ADAMTSL3: variants seen among roughly 807,000 people sequenced by gnomAD.
ADAMTSL3 encodes the protein ADAMTS like 3.
A neutral mutation model predicts 201.7 loss-of-function variants in ADAMTSL3; 128 were observed. The observed-to-expected ratio is 0.63, with a 90% CI of 0.55 to 0.73. The LOEUF (loss-of-function observed/expected upper bound fraction) is 0.73, where lower values mean the gene tolerates loss of function less well. ADAMTSL3 is among the 30% of genes least tolerant of loss of function. ADAMTSL3 has a pLI of 0.00. For missense variants in ADAMTSL3, 1,990 were observed against 2,119.6 expected (o/e 0.94, Z 1.20); for synonymous variants, 738 against 748.4 (o/e 0.99, Z 0.23).
intron 2 of ADAMTSL3, among the ~76,000 whole-genome samples, chr15:83,658,745 T>C (rs531406526): frequency 6.6e-6 from 1 of 152,266 alleles, no homozygotes; most frequent in South Asian, 2.1e-4. Context: ...CAGCCTGGAG[T>C]ATTTGAGAGC....
chr15:84,002,936 C>CTTTTTTTTTTTTTTTTTTTTGTTTTTT (rs368176543), intron 23 of ADAMTSL3, among the ~76,000 whole-genome samples: 1 of 99,986 alleles, frequency 1.0e-5, no homozygotes, highest in Non-Finnish European at 1.9e-5. Context: ...CTTTTCTTTT[C>CTTTTTTTTTTTTTTTTTTTTGTTTTTT]TTTTTTTTTT....
At chr15:83,693,924 C>T (rs2061646176) in intron 2 of ADAMTSL3, among the ~76,000 whole-genome samples, 1 of 152,150 alleles carries the variant, frequency 6.6e-6, no homozygotes, top group South Asian at 2.1e-4. Context: ...TTGAGATTCT[C>T]CCCCCGCAAC....
intron 2 of ADAMTSL3, among the ~76,000 whole-genome samples, chr15:83,666,559 C>A (rs923993280): frequency 2.0e-5 from 3 of 152,102 alleles, no homozygotes; most frequent in Non-Finnish European, 4.4e-5. Context: ...AATAACAGGA[C>A]TGGGCACAAT....
chr15:83,688,326 G>A (rs906506729), intron 2 of ADAMTSL3, among the ~76,000 whole-genome samples: 5 of 152,124 alleles, frequency 3.3e-5, no homozygotes, highest in Non-Finnish European at 7.3e-5. Flanking sequence ...ACGTTATGAG[G>A]CACACAATGA....
At chr15:83,853,606 T>C (rs2064664847) in intron 7 of ADAMTSL3, among the ~76,000 whole-genome samples, 1 of 152,168 alleles carries the variant, frequency 6.6e-6, no homozygotes, top group Admixed American at 6.5e-5. Flanking sequence ...TAAATTACAT[T>C]AGTAGGTTTC....
chr15:83,973,750 T>C (rs942750346), intron 20 of ADAMTSL3, among the ~76,000 whole-genome samples: 1 of 152,122 alleles, frequency 6.6e-6, no homozygotes, highest in Non-Finnish European at 1.5e-5. Flanking sequence ...TCACCTCAAA[T>C]CTACCCCCTC....
At chr15:83,949,954 C>T (rs912544164) in intron 19 of ADAMTSL3, among the ~76,000 whole-genome samples, 1 of 151,940 alleles carries the variant, frequency 6.6e-6, no homozygotes, top group African/African-American at 2.4e-5. Context: ...TTCTCCAATT[C>T]TGTGGGTTGT....
intron 6 of ADAMTSL3, among the ~76,000 whole-genome samples, chr15:83,831,259 C>G (rs1026678840): frequency 1.3e-5 from 2 of 152,198 alleles, no homozygotes; most frequent in Non-Finnish European, 2.9e-5. Flanking sequence ...GTCACATTCA[C>G]AGGATCTGGG....
At chr15:83,862,428 A>G (rs1040028080) in intron 8 of ADAMTSL3, 1 of 152,262 alleles carries the variant, frequency 6.6e-6, no homozygotes, top group East Asian at 1.9e-4. Context: ...CTCTTGGCAG[A>G]AACTCTACAA....
At chr15:84,005,853 T>A (rs1369171304) in intron 23 of ADAMTSL3, among the ~76,000 whole-genome samples, 1 of 152,190 alleles carries the variant, frequency 6.6e-6, no homozygotes, top group Non-Finnish European at 1.5e-5. Context: ...ATTATGTCAA[T>A]CTAAACATGA....
intron 3 of ADAMTSL3, among the ~76,000 whole-genome samples, chr15:83,746,452 G>A (rs1485712200): frequency 6.6e-6 from 1 of 151,826 alleles, no homozygotes; most frequent in African/African-American, 2.4e-5. Context: ...TTAACTATCA[G>A]TGTCTGTCAC....
At position 83,978,545 on chromosome 15, in the gene ADAMTSL3, G is replaced by C. The variant is rs1029710947; in HGVS notation, c.2645-3728G>C. Among the ~76,000 whole-genome samples the C allele has an allele frequency of 3.3e-5, 5 of 152,292 alleles. No homozygotes were observed. In the South Asian group the frequency reaches 1.0e-3, roughly 32 times the overall value. ...TGTTTTGGGGCATCTCCAGATGAGAGAGGAAGGTCACCCCAAACCAGACCG... is the reference window on the plus strand; with the variant it reads ...TGTTTTGGGGCATCTCCAGATGAGACAGGAAGGTCACCCCAAACCAGACCG... On this transcript the variant is annotated intron_variant, in intron 20 of 29. Coordinates refer to ENST00000286744, the MANE Select transcript of ADAMTSL3 (RefSeq NM_207517.3).
chr15:83,719,197 A>G (rs572315089), intron 3 of ADAMTSL3, among the ~76,000 whole-genome samples: 1 of 152,250 alleles, frequency 6.6e-6, no homozygotes, highest in Non-Finnish European at 1.5e-5. Context: ...CCTATTTATG[A>G]GAATTACAGT....
intron 19 of ADAMTSL3, among the ~76,000 whole-genome samples, chr15:83,945,467 T>G (rs1332276116): frequency 3.9e-5 from 6 of 152,192 alleles, no homozygotes; most frequent in Non-Finnish European, 8.8e-5. Flanking sequence ...GGGAGAATCA[T>G]TCTTTTGGGA....
chr15:83,742,147 T>A (rs2062467274), intron 3 of ADAMTSL3, among the ~76,000 whole-genome samples: 2 of 152,134 alleles, frequency 1.3e-5, no homozygotes, highest in African/African-American at 2.4e-5. Flanking sequence ...TTTATCTTAA[T>A]GCAAAAATTA....
chr15:84,026,342 G>GT (rs758657460), intron 27 of ADAMTSL3, among the ~76,000 whole-genome samples: 13 of 152,128 alleles, frequency 8.5e-5, no homozygotes, highest in Non-Finnish European at 1.5e-4. Context: ...ATGGAAAGCT[G>GT]TAAGACTTAT....
intron 17 of ADAMTSL3, among the ~76,000 whole-genome samples, chr15:83,934,628 C>A (rs1187815863): frequency 1.3e-5 from 2 of 152,082 alleles, no homozygotes; most frequent in Non-Finnish European, 2.9e-5. Context: ...GGCTTTGTGT[C>A]CCCACCGAAA....
intron 15 of ADAMTSL3, among the ~76,000 whole-genome samples, chr15:83,903,701 T>C (rs1000244466): frequency 1.3e-5 from 2 of 151,936 alleles, no homozygotes; most frequent in African/African-American, 4.8e-5. Flanking sequence ...GTGTATCACT[T>C]GAACTCAGGA....
intron 8 of ADAMTSL3, among the ~76,000 whole-genome samples, chr15:83,865,852 G>A (rs970845210): frequency 2.6e-5 from 4 of 152,096 alleles, no homozygotes; most frequent in Admixed American, 6.6e-5. Flanking sequence ...GAAAATTTTT[G>A]CAATCTACTC....
Sources: allele counts gnomAD v4.1 joint callset (sites outside exome capture counted in the v4.1 genomes callset), GRCh38; gene constraint gnomAD v4.1.1; transcripts MANE v1.5; gene names NCBI Gene and HGNC (gene_info 2026-07-23, HGNC 2026-07-21).